ITGB1: variants seen among roughly 807,000 people sequenced by gnomAD.
The protein encoded by ITGB1 is integrin subunit beta 1.
In ITGB1, 24 loss-of-function variants were observed where a neutral mutation model predicts 86.5. That is an observed-to-expected ratio of 0.28 (90% CI 0.20 to 0.39). The LOEUF (loss-of-function observed/expected upper bound fraction) is 0.39. Ranked by LOEUF, ITGB1 falls within the 10% of genes least tolerant of loss-of-function variation. ITGB1 has a pLI of 1.00. For missense variants in ITGB1, 556 were observed against 946.9 expected, an observed-to-expected ratio of 0.59 and a Z score of 5.42; for synonymous variants, 323 against 316.8, an observed-to-expected ratio of 1.02 and a Z score of -0.21.
chr10:32,931,452 T>C (rs1480545354), intron 3 of ITGB1, among the ~76,000 whole-genome samples: 1 of 152,144 alleles, frequency 6.6e-6, no homozygotes, highest in Non-Finnish European at 1.5e-5. Flanking sequence ...AGTTCATCAA[T>C]TCTAATTATT....
At chr10:32,956,505 T>C (rs1438073466) in intron 1 of ITGB1, among the ~76,000 whole-genome samples, 4 of 152,012 alleles carry the variant, frequency 2.6e-5, no homozygotes, top group African/African-American at 9.7e-5. Flanking sequence ...CCCAGGAGTT[T>C]GAGGCCAGCC....
intron 9 of ITGB1, among the ~76,000 whole-genome samples, chr10:32,921,317 AAGAC>A (rs1285557263): frequency 1.3e-5 from 2 of 152,176 alleles, no homozygotes; most frequent in Non-Finnish European, 2.9e-5. Flanking sequence ...AAAATTATCT[AAGAC>A]AGGGGAGAAT....
intron 3 of ITGB1, among the ~76,000 whole-genome samples, chr10:32,930,587 C>G (rs997790783): frequency 6.6e-6 from 1 of 152,054 alleles, no homozygotes; most frequent in African/African-American, 2.4e-5. Flanking sequence ...AGTATTCCCA[C>G]AGGTTTGAAA....
At chr10:32,935,045 C>T (rs1169560939) in intron 2 of ITGB1, among the ~76,000 whole-genome samples, 2 of 152,166 alleles carry the variant, frequency 1.3e-5, no homozygotes, top group Non-Finnish European at 2.9e-5. Context: ...GCTTTATTTT[C>T]ACTGCTTTCC....
chr10:32,943,611 T>C (rs975204873), intron 1 of ITGB1, among the ~76,000 whole-genome samples: 5 of 151,942 alleles, frequency 3.3e-5, no homozygotes, highest in Admixed American at 1.3e-4. Context: ...TGAAAAGAGC[T>C]GGAACCTACG....
intron 8 of ITGB1, 46 bp from the exon 9 acceptor site, chr10:32,922,392 C>T: frequency 7.6e-7 from 1 of 1,309,006 alleles, no homozygotes; most frequent in Non-Finnish European, 1.1e-6. Context: ...GCTATTCATT[C>T]AACCAATTAG....
rs200608764 is a variant in ITGB1 at position 32,920,284 on chromosome 10, T to C, written c.1230A>G (p.Glu410=). Residue 410 remains glutamate (E), a synonymous_variant, in exon 10 of 16, where the codon GAA becomes GAG. Transcript: ENST00000302278. ...YCKNGVNGTG[E]NGRKCSNISI... ...AAATATTGGAACATTTTCTTCCATT[T>C]TCCCCTGTTCCATTCACCCCGTTCT... 95 of 1,613,556 alleles carry C rather than the reference T, an allele frequency of 5.9e-5. No homozygotes were observed. The highest frequency in any genetic ancestry group is 7.7e-5 in the Non-Finnish European group (91 of 1,179,700).
intron 15 of ITGB1, chr10:32,907,197 T>A: frequency 1.3e-6 from 1 of 757,050 alleles, no homozygotes; most frequent in Non-Finnish European, 2.1e-6. Flanking sequence ...AAAATCCCTT[T>A]ATAGTGTTTG....
intron 6 of ITGB1, among the ~76,000 whole-genome samples, chr10:32,925,023 T>C (rs1026141713): frequency 1.1e-4 from 16 of 152,122 alleles, no homozygotes; most frequent in Non-Finnish European, 2.1e-4. Flanking sequence ...ACTTATTATT[T>C]TGGGCATCAA....
intron 11 of ITGB1, among the ~76,000 whole-genome samples, chr10:32,917,100 C>A (rs941465904): frequency 6.6e-6 from 1 of 152,082 alleles, no homozygotes; most frequent in Admixed American, 6.6e-5. Flanking sequence ...GAAAGGATTC[C>A]CTATTTAATA....
intron 13 of ITGB1, among the ~76,000 whole-genome samples, chr10:32,911,173 T>C (rs2185797): frequency 6.6e-6 from 1 of 152,166 alleles, no homozygotes; most frequent in African/African-American, 2.4e-5. Flanking sequence ...AATTAAATCT[T>C]AATTGCCAAA....
chr10:32,957,471 A>G lies in ITGB1; in HGVS notation c.-1+674T>C, dbSNP rs547330500. 4.2e-4 allele frequency among the ~76,000 whole-genome samples: 64 copies of G among 152,230 alleles called. No individual in the cohort carries two copies. In the East Asian group the frequency reaches 0.011, roughly 25 times the overall value. On this transcript the variant is annotated intron_variant, in intron 1 of 15. Transcript: ENST00000302278. ...CAGGGACCGGCGACTCTTGACGTTT[A>G]TAAACACGGGGAAGTGGACTGCACT...
At chr10:32,916,008 C>T (rs756506663) in intron 11 of ITGB1, among the ~76,000 whole-genome samples, 3 of 152,070 alleles carry the variant, frequency 2.0e-5, no homozygotes, top group Non-Finnish European at 2.9e-5. Flanking sequence ...TGGTTCAACA[C>T]AGGCAATCAA....
rs1186872641 is a variant in ITGB1, at chr10:32,947,432, C to CGTGTGTGTGTGTGTGTGTGTGTGTGTGT, written c.-1+10685_-1+10712dup. 4.0e-3 allele frequency among the ~76,000 whole-genome samples: 556 copies of CGTGTGTGTGTGTGTGTGTGTGTGTGTGT among 137,336 alleles called. 14 individuals carry two copies. The highest frequency in any genetic ancestry group is 0.014 in the Middle Eastern group (4 of 278). The allele number at this position is 137,336 out of a possible 152,430, so 90.1% of individuals were successfully genotyped here. A position where few individuals can be genotyped will look rare whatever the true frequency, so the allele number is the denominator to read the frequency against. ...TAAAGCCAGGTGATTCACATATAGC[C>CGTGTGTGTGTGTGTGTGTGTGTGTGTGT]GTGTGTGTGTGTGTGTGTGTGTGTG... On this transcript the variant is annotated intron_variant, in intron 1 of 15. Coordinates refer to ENST00000302278, the MANE Select transcript of ITGB1 (RefSeq NM_002211.4).
chr10:32,927,978 C>A, intron 5 of ITGB1, 116 bp downstream of exon 5: 2 of 603,644 alleles, frequency 3.3e-6, no homozygotes, highest in South Asian at 5.5e-5. Context: ...GGCTAAAAAA[C>A]TGGCTTGTTT....
chr10:32,936,505 G>A (rs189732576), intron 1 of ITGB1, among the ~76,000 whole-genome samples: 1 of 152,006 alleles, frequency 6.6e-6, no homozygotes, highest in Admixed American at 6.6e-5. Context: ...ATTTCCTAGA[G>A]TGTCCAGACC....
At chr10:32,906,876 T>A (rs893735804) in intron 15 of ITGB1, among the ~76,000 whole-genome samples, 1 of 152,220 alleles carries the variant, frequency 6.6e-6, no homozygotes. Flanking sequence ...TGGCTGCTGT[T>A]TCTATATCAC....
intron 15 of ITGB1, chr10:32,907,190 AT>A (rs1176100514): frequency 1.3e-6 from 1 of 792,894 alleles, no homozygotes; most frequent in Non-Finnish European, 1.9e-6. Context: ...GAAAAAAAAA[AT>A]CCCTTTATAG....
Position 32,923,660 on chromosome 10 carries a change from T to C in ITGB1, c.867A>G (p.Lys289=), listed in dbSNP as rs1415834251. ...DAGFHFAGDG[K]LGGIVLPNDG... is the part of the protein sequence containing the mutation. ...CATTTGGTAAAACAATGCCACCAAG[T>C]TTCCCATCTCCAGCAAAGTGAAACC... Residue 289 remains lysine (K), a synonymous_variant, in exon 7 of 16, where the codon AAA becomes AAG. Transcript: ENST00000302278. 6.2e-7 allele frequency: 1 copy of C among 1,613,898 alleles called. No individual in the cohort carries two copies. The highest frequency in any genetic ancestry group is 1.1e-5 in the South Asian group (1 of 91,060).
Sources: allele counts gnomAD v4.1 joint callset (sites outside exome capture counted in the v4.1 genomes callset), GRCh38; gene constraint gnomAD v4.1.1; transcripts MANE v1.5; gene names NCBI Gene and HGNC (gene_info 2026-07-23, HGNC 2026-07-21).